The following LRP11 variants were observed in gnomAD, a reference collection of about 807,000 sequenced individuals.
The protein encoded by LRP11 is LDL receptor related protein 11.
LRP11 carries 25 observed loss-of-function variants against 43.1 expected under a neutral mutation model. That is an observed-to-expected ratio of 0.58 (90% CI 0.42 to 0.81). The LOEUF is 0.81. Among genes scored for constraint, LRP11 ranks in the 30% least tolerant of loss-of-function variants. LRP11 has a pLI of 0.00. For missense variants in LRP11, 623 were observed against 665.1 expected, an observed-to-expected ratio of 0.94 and a Z score of 0.70; for synonymous variants, 316 against 299.4, an observed-to-expected ratio of 1.06 and a Z score of -0.57.
chr6:149,843,881 C>G (rs1469247516), intron 2 of LRP11, among the ~76,000 whole-genome samples: 1 of 152,164 alleles, frequency 6.6e-6, no homozygotes, highest in Non-Finnish European at 1.5e-5. Flanking sequence ...CACCATCCCC[C>G]TGAAACAGTG....
intron 1 of LRP11, among the ~76,000 whole-genome samples, chr6:149,860,575 T>G (rs1030269047): frequency 6.6e-6 from 1 of 152,046 alleles, no homozygotes; most frequent in Non-Finnish European, 1.5e-5. Flanking sequence ...CAGCCTGGGA[T>G]GGAGGACAAG....
intron 1 of LRP11, among the ~76,000 whole-genome samples, chr6:149,856,428 C>A (rs993248851): frequency 9.2e-5 from 14 of 152,138 alleles, no homozygotes; most frequent in African/African-American, 2.9e-4. Flanking sequence ...CAAGTCCAGG[C>A]CATTTCCATT....
At chr6:149,848,769 A>AC (rs1235460411) in intron 2 of LRP11, among the ~76,000 whole-genome samples, 5 of 138,128 alleles carry the variant, frequency 3.6e-5, no homozygotes, top group African/African-American at 1.6e-4. Context: ...GAAAAAAAAC[A>AC]AAACTGCTGG....
In LRP11 at chr6:149,836,114, G is replaced by A; in HGVS notation, c.1223C>T (p.Pro408Leu). The change falls in exon 5 of 7, where the codon CCA (proline) becomes CTA (leucine). Residue 408 changes from proline to leucine, a missense_variant. Physicochemically the swap from Pro to Leu is moderately conservative, Grantham distance 98. Transcript: ENST00000239367. ...CATCACAGGAATGATTTGACTCTCT[G>A]GTCCCCAAAAGGCGGAATGATTCCT... ...EKRNHSAFWG[P>L]ESQIIPVMPD... The A allele has an allele frequency of 6.2e-7, 1 of 1,614,030 alleles. No individual in the cohort carries two copies. The highest frequency in any genetic ancestry group is 8.5e-7 in the Non-Finnish European group (1 of 1,179,990).
intron 1 of LRP11, among the ~76,000 whole-genome samples, chr6:149,862,609 C>T (rs1264920651): frequency 9.0e-6 from 1 of 111,210 alleles, no homozygotes; most frequent in Non-Finnish European, 1.7e-5. Flanking sequence ...GATGGAGTTT[C>T]GCTCTTGTTG....
At chr6:149,822,493 T>G (rs1776288973) in intron 6 of LRP11, among the ~76,000 whole-genome samples, 1 of 113,630 alleles carries the variant, frequency 8.8e-6, no homozygotes, top group South Asian at 3.0e-4. Flanking sequence ...CAAAGTAAGA[T>G]CCTGTCTTAA....
chr6:149,861,992 G>A (rs760886613), intron 1 of LRP11, among the ~76,000 whole-genome samples: 74 of 152,290 alleles, frequency 4.9e-4, no homozygotes, highest in South Asian at 4.4e-3. Flanking sequence ...TTGCTGCTGG[G>A]ATATTTTGGT....
At position 149,861,638 on chromosome 6, in the gene LRP11, C is replaced by G. The variant is rs138834120; in HGVS notation, c.613+1770G>C. On this transcript the variant is annotated intron_variant, in intron 1 of 6. Coordinates refer to ENST00000239367, the MANE Select transcript of LRP11 (RefSeq NM_032832.6). Reference sequence around the variant, plus strand: ...AAGCGATTCTCCTGCCTCAGCCGCCCGAGGAGCTGGGATCATAGACAGGCG... The same window carrying G: ...AAGCGATTCTCCTGCCTCAGCCGCCGGAGGAGCTGGGATCATAGACAGGCG... Among the ~76,000 whole-genome samples, 1,199 of 152,212 alleles carry G rather than the reference C, an allele frequency of 7.9e-3. 12 individuals carry two copies. The highest frequency in any genetic ancestry group is 0.027 in the African/African-American group (1,139 of 41,536).
At chr6:149,823,867 G>T (rs964074795) in intron 6 of LRP11, among the ~76,000 whole-genome samples, 2 of 152,116 alleles carry the variant, frequency 1.3e-5, no homozygotes, top group Admixed American at 1.3e-4. Flanking sequence ...GGATTCTACG[G>T]CTGTCTCATT....
chr6:149,860,400 C>T (rs1378308091), intron 1 of LRP11, among the ~76,000 whole-genome samples: 2 of 150,874 alleles, frequency 1.3e-5, no homozygotes, highest in African/African-American at 2.5e-5. Flanking sequence ...TTCTACCTCT[C>T]CTCCCTCCCT....
In LRP11 at chr6:149,843,062, C is replaced by G. The variant is rs1207018308; in HGVS notation, c.834G>C (p.Leu278=). Residue 278 remains leucine (L), a synonymous_variant, in exon 3 of 7, where the codon CTG becomes CTC. Transcript: ENST00000239367. ...TCTGCCCGGCAGTGTCCGTCACGGT[C>G]AGCTGGAAGGTGTAGGTTCCCTCCT... The part of the protein sequence containing the change: ...HLQEGTYTFQ[L]TVTDTAGQRS... The G allele has an allele frequency of 1.2e-6, 2 of 1,614,196 alleles. No individual in the cohort carries two copies. Among genetic ancestry groups the G allele is most frequent in the South Asian group, 1.1e-5 (1 of 91,068 alleles).
chr6:149,853,921 A>G (rs1297682931), intron 1 of LRP11, among the ~76,000 whole-genome samples: 2 of 152,336 alleles, frequency 1.3e-5, no homozygotes, highest in South Asian at 2.1e-4. Flanking sequence ...TAAAGTATTC[A>G]ATGAATGGGA....
At chr6:149,828,935 G>T (rs1394531899) in intron 5 of LRP11, among the ~76,000 whole-genome samples, 1 of 152,116 alleles carries the variant, frequency 6.6e-6, no homozygotes, top group African/African-American at 2.4e-5. Flanking sequence ...AATAATGCCT[G>T]ATTTTTTCAA....
chr6:149,849,223 T>C (rs1301586878), intron 2 of LRP11, among the ~76,000 whole-genome samples: 2 of 152,202 alleles, frequency 1.3e-5, no homozygotes, highest in African/African-American at 4.8e-5. Context: ...TTGTATCATG[T>C]TCCTAAATGT....
intron 1 of LRP11, among the ~76,000 whole-genome samples, chr6:149,857,496 C>T (rs1468060699): frequency 1.3e-5 from 2 of 148,714 alleles, no homozygotes; most frequent in African/African-American, 2.6e-5. Flanking sequence ...CAAAGTGAGT[C>T]CCTGTGTCAA....
At chr6:149,857,477 C>T (rs796221309) in intron 1 of LRP11, among the ~76,000 whole-genome samples, 3 of 151,372 alleles carry the variant, frequency 2.0e-5, no homozygotes, top group African/African-American at 7.3e-5. Context: ...TTCACTCCTG[C>T]CTGCATAACA....
chr6:149,825,629 G>A (rs892450858), intron 6 of LRP11, among the ~76,000 whole-genome samples: 1 of 151,524 alleles, frequency 6.6e-6, no homozygotes, highest in Non-Finnish European at 1.5e-5. Flanking sequence ...GCCTGCTCAA[G>A]GTCATACAGT....
At chr6:149,842,594 CT>C (rs1274272530) in intron 3 of LRP11, 11 of 1,538,814 alleles carry the variant, frequency 7.1e-6, no homozygotes, top group Non-Finnish European at 8.8e-6. Context: ...CGCCATTCCA[CT>C]CTCTGCTTCC....
intron 2 of LRP11, among the ~76,000 whole-genome samples, chr6:149,847,675 C>A (rs1232858322): frequency 6.6e-6 from 1 of 152,180 alleles, no homozygotes; most frequent in Non-Finnish European, 1.5e-5. Context: ...CTCAAGATCC[C>A]TGTTCAGCAG....
Sources: allele counts gnomAD v4.1 joint callset (sites outside exome capture counted in the v4.1 genomes callset), GRCh38; gene constraint gnomAD v4.1.1; transcripts MANE v1.5; gene names NCBI Gene and HGNC (gene_info 2026-07-23, HGNC 2026-07-21).